SCTR: variants seen among roughly 807,000 people sequenced by gnomAD.
The protein encoded by SCTR is pancreatic secretin receptor.
Under a neutral mutation model 60.8 loss-of-function variants are expected in SCTR, and 56 were observed. That is an observed-to-expected ratio of 0.92 (90% CI 0.74 to 1.15). SCTR has a LOEUF of 1.15. Among genes scored for constraint, SCTR ranks in the 50% most tolerant of loss-of-function variants. The pLI is 0.00. For synonymous variants in SCTR, 202 were observed against 217.0 expected, an observed-to-expected ratio of 0.93 and a Z score of 0.61; for missense variants, 562 against 550.4, an observed-to-expected ratio of 1.02 and a Z score of -0.21.
intron 3 of SCTR, among the ~76,000 whole-genome samples, chr2:119,476,154 G>A (rs1218818955): frequency 1.3e-5 from 2 of 152,154 alleles, no homozygotes; most frequent in Non-Finnish European, 2.9e-5. Context: ...TTAGGGTTGG[G>A]GGCACCACCT....
intron 9 of SCTR, among the ~76,000 whole-genome samples, chr2:119,450,044 AAAG>A (rs1683092039): frequency 6.9e-6 from 1 of 145,770 alleles, no homozygotes; most frequent in Non-Finnish European, 1.5e-5. Flanking sequence ...AGGAAGGAAG[AAAG>A]AAAAAAGAAA....
intron 7 of SCTR, among the ~76,000 whole-genome samples, chr2:119,457,216 G>A (rs1683408765): frequency 6.6e-6 from 1 of 151,248 alleles, no homozygotes; most frequent in Admixed American, 6.6e-5. Flanking sequence ...AATTGATGCT[G>A]GCAATATATA....
rs1360712534 is a variant in SCTR at position 119,523,435 on chromosome 2, T to TA, written c.72+719dup. ...TTATTATTATTATTATTATTATTAT[T>TA]ATTATTTTCCTCCTCCAGCCCCTTG... On this transcript the variant is annotated intron_variant, in intron 1 of 12. Coordinates refer to ENST00000019103, the MANE Select transcript of SCTR (RefSeq NM_002980.3). Among the ~76,000 whole-genome samples, 20 of 147,156 alleles carry TA rather than the reference T, an allele frequency of 1.4e-4. No homozygotes were observed. The South Asian group carries it at 4.0e-3, about 30-fold the overall frequency.
chr2:119,444,182 TATGAATATATACACATATGTATATATA>T (rs1682770355), intron 11 of SCTR, among the ~76,000 whole-genome samples: 1 of 143,384 alleles, frequency 7.0e-6, no homozygotes, highest in Admixed American at 6.9e-5. Context: ...TATATATACA[TATGAATATATACACATATGTATATATA>T]CATATGAATA....
intron 4 of SCTR, among the ~76,000 whole-genome samples, chr2:119,472,573 G>A (rs1465712504): frequency 6.6e-6 from 1 of 152,192 alleles, no homozygotes; most frequent in Admixed American, 6.5e-5. Context: ...CTCAGCTAGG[G>A]CAGCTCTGCA....
chr2:119,499,211 C>T (rs900216525), intron 1 of SCTR, among the ~76,000 whole-genome samples: 9 of 151,916 alleles, frequency 5.9e-5, no homozygotes, highest in African/African-American at 2.2e-4. Flanking sequence ...AACAATCATG[C>T]TGTAAAATAT....
At chr2:119,484,032 C>G (rs1443529709) in intron 2 of SCTR, among the ~76,000 whole-genome samples, 1 of 152,102 alleles carries the variant, frequency 6.6e-6, no homozygotes, top group African/African-American at 2.4e-5. Flanking sequence ...TCCCAGGGAG[C>G]CCTGGCAGGG....
At chr2:119,484,788 G>A (rs1677792937) in intron 2 of SCTR, 1 of 152,150 alleles carries the variant, frequency 6.6e-6, no homozygotes, top group Non-Finnish European at 1.5e-5. Context: ...GGGATGAAGA[G>A]GTATGCTGGG....
chr2:119,494,390 C>A (rs201199798), intron 2 of SCTR, 38 bp downstream of exon 2: 1 of 1,606,692 alleles, frequency 6.2e-7, no homozygotes, highest in Non-Finnish European at 8.5e-7. Flanking sequence ...ACATGCTCCA[C>A]CCCCAAGAGA....
chr2:119,520,454 G>A (rs12468372), intron 1 of SCTR, among the ~76,000 whole-genome samples: 1 of 152,028 alleles, frequency 6.6e-6, no homozygotes, highest in African/African-American at 2.4e-5. Context: ...AGCCATAATC[G>A]CACCATTGCA....
At chr2:119,522,775 T>A (rs1679327982) in intron 1 of SCTR, among the ~76,000 whole-genome samples, 1 of 152,126 alleles carries the variant, frequency 6.6e-6, no homozygotes, top group Admixed American at 6.5e-5. Context: ...AGCCACGGAA[T>A]AACACACCTT....
intron 1 of SCTR, among the ~76,000 whole-genome samples, chr2:119,508,708 GATAA>G (rs937652263): frequency 5.3e-5 from 8 of 151,806 alleles, no homozygotes; most frequent in African/African-American, 1.9e-4. Context: ...TTTTTTCATT[GATAA>G]ATAAAAACTG....
intron 2 of SCTR, among the ~76,000 whole-genome samples, chr2:119,487,519 GGTCT>G (rs150356289): frequency 0.019 from 2,837 of 152,242 alleles, 39 homozygotes; most frequent in South Asian, 0.053. Context: ...CACATGCCCA[GGTCT>G]GTCTGACTGT....
intron 4 of SCTR, 59 bp from the exon 5 acceptor site, chr2:119,465,945 G>T: frequency 8.1e-7 from 1 of 1,231,584 alleles, no homozygotes; most frequent in Non-Finnish European, 1.2e-6. Flanking sequence ...TGCCTTCTGT[G>T]CCTCACTGCA....
intron 2 of SCTR, 26 bp downstream of exon 2, chr2:119,494,402 G>A: frequency 6.2e-7 from 1 of 1,611,564 alleles, no homozygotes; most frequent in South Asian, 1.1e-5. Context: ...CCCAAGAGAG[G>A]ACATGGGCTG....
At chr2:119,512,395 CCTT>C (rs1209204120) in intron 1 of SCTR, among the ~76,000 whole-genome samples, 1 of 90,894 alleles carries the variant, frequency 1.1e-5, no homozygotes, top group South Asian at 4.0e-4. Context: ...TTCTCCTTCT[CCTT>C]CTTCTTCTTT....
At chr2:119,456,632 G>GA (rs1240808768) in intron 7 of SCTR, among the ~76,000 whole-genome samples, 1 of 152,044 alleles carries the variant, frequency 6.6e-6, no homozygotes, top group African/African-American at 2.4e-5. Context: ...GAAAGCTCTA[G>GA]AAAAAAACAC....
intron 7 of SCTR, among the ~76,000 whole-genome samples, chr2:119,453,645 G>A (rs776335849): frequency 7.2e-5 from 11 of 152,222 alleles, no homozygotes; most frequent in South Asian, 4.1e-4. Context: ...GCAAAGTATA[G>A]AGGGGCTGGG....
At position 119,440,215 on chromosome 2, in the gene SCTR, G is replaced by A. The variant is rs771481670; in HGVS notation, c.1225C>T (p.Arg409Cys). The A allele has an allele frequency of 3.0e-5, 48 of 1,613,936 alleles. No individual in the cohort carries two copies. Among genetic ancestry groups the A allele is most frequent in the African/African-American group, 1.7e-4 (13 of 74,946 alleles). ...GCCACGGGGTGCAGTGGGAACTCAC[G>A]GAGGTGCCATTGCTGCCACTTCTTC... Reference protein sequence around the residue: ...VQKKWQQWHLREFPLHPVASF... With the variant: ...VQKKWQQWHLCEFPLHPVASF... The change falls in exon 13 of 13, where the codon CGT becomes TGT. Residue 409 changes from arginine (R) to cysteine (C), a missense_variant. Transcript: ENST00000019103.
Sources: allele counts gnomAD v4.1 joint callset (sites outside exome capture counted in the v4.1 genomes callset), GRCh38; gene constraint gnomAD v4.1.1; transcripts MANE v1.5; gene names NCBI Gene and HGNC (gene_info 2026-07-23, HGNC 2026-07-21).